The following ABCC12 variants were observed in gnomAD, a reference collection of about 807,000 sequenced individuals.
The protein encoded by ABCC12 is ATP-binding cassette sub-family C member 12.
A neutral mutation model predicts 151.1 loss-of-function variants in ABCC12; 142 were observed. That is an observed-to-expected ratio of 0.94 (90% CI 0.82 to 1.08). The LOEUF is 1.08. ABCC12 is among the 50% of genes least tolerant of loss of function. The probability of loss-of-function intolerance (pLI) is 0.00; values close to 1 mark genes in which losing one functional copy is unlikely to be tolerated. For synonymous variants in ABCC12, 645 were observed against 646.4 expected (o/e 1.00, Z 0.03); for missense variants, 1,638 against 1,691.1 (o/e 0.97, Z 0.55).
intron 13 of ABCC12, among the ~76,000 whole-genome samples, chr16:48,119,163 A>G (rs1469742756): frequency 6.6e-6 from 1 of 152,168 alleles, no homozygotes; most frequent in Non-Finnish European, 1.5e-5. Context: ...GAAGGATGCT[A>G]GATCCATCTT....
chr16:48,089,250 C>A (rs147678213), intron 25 of ABCC12, among the ~76,000 whole-genome samples: 1 of 152,178 alleles, frequency 6.6e-6, no homozygotes, highest in African/African-American at 2.4e-5. Flanking sequence ...GAAGCTCATA[C>A]TGGGCCTGTG....
intron 21 of ABCC12, 137 bp from the exon 22 acceptor site, chr16:48,104,505 G>T: frequency 1.4e-6 from 1 of 721,502 alleles, no homozygotes; most frequent in Non-Finnish European, 2.3e-6. Flanking sequence ...GGTGATCTTG[G>T]GAAAGGGAGG....
chr16:48,143,931 GA>G lies in ABCC12; in HGVS notation c.253del (p.Ser85HisfsTer17). On this transcript the variant is annotated frameshift_variant, in exon 4 of 31. Transcript: ENST00000311303. LOFTEE classifies it high-confidence loss of function. Reference protein sequence around the residue: ...DTLPPLSTYDSSDTNAKRFRV... With the variant: ...DTLPPLSTYDXSDTNAKRFRV... ...GTACCTTTTGGCATTGGTGTCAGAT[GA>G]GTCATATGTCGACAATGGGGGCAGG... 1 of 1,613,994 alleles carries G rather than the reference GA, an allele frequency of 6.2e-7. No homozygotes were observed. The highest frequency in any genetic ancestry group is 8.5e-7 in the Non-Finnish European group (1 of 1,179,878).
chr16:48,088,864 C>T (rs2150583083), intron 25 of ABCC12, 130 bp from the exon 26 acceptor site: 2 of 771,082 alleles, frequency 2.6e-6, no homozygotes, highest in East Asian at 6.0e-5. Context: ...AATAATGACC[C>T]TTAATTCTAG....
chr16:48,145,243 G>A lies in ABCC12; in HGVS notation c.119+1063C>T, dbSNP rs112929818. Among the ~76,000 whole-genome samples the A allele has an allele frequency of 4.0e-3, 610 of 152,280 alleles. 5 individuals are homozygous for A. Among genetic ancestry groups the A allele is most frequent in the African/African-American group, 0.013 (548 of 41,538 alleles). On this transcript the variant is annotated intron_variant, in intron 3 of 30. Coordinates refer to ENST00000311303, the MANE Select transcript of ABCC12 (RefSeq NM_001393797.1). Reference sequence around the variant, plus strand: ...GCTGGGAGAAGATAACGCAGTGTCCGCTTATTATAGAGTTGCCACTTGGCC... The same window carrying A: ...GCTGGGAGAAGATAACGCAGTGTCCACTTATTATAGAGTTGCCACTTGGCC...
At chr16:48,112,833 C>T (rs540075128) in intron 15 of ABCC12, among the ~76,000 whole-genome samples, 3 of 152,260 alleles carry the variant, frequency 2.0e-5, no homozygotes, top group East Asian at 3.9e-4. Flanking sequence ...CCAGCTTTAT[C>T]TATGAGATAA....
intron 24 of ABCC12, among the ~76,000 whole-genome samples, chr16:48,094,490 G>A (rs1963020792): frequency 1.3e-5 from 2 of 152,168 alleles, no homozygotes; most frequent in African/African-American, 2.4e-5. Context: ...CCAGGTGTGA[G>A]AAGGGGGCCC....
chr16:48,096,129 T>A (rs900583217), intron 24 of ABCC12, among the ~76,000 whole-genome samples: 8 of 152,200 alleles, frequency 5.3e-5, no homozygotes, highest in Admixed American at 5.2e-4. Flanking sequence ...ATCAATGCCG[T>A]ATGTTCACCT....
At chr16:48,101,950 C>T (rs1963322514) in intron 22 of ABCC12, among the ~76,000 whole-genome samples, 2 of 152,092 alleles carry the variant, frequency 1.3e-5, no homozygotes. Context: ...CACAATAAAC[C>T]CTTGAGTTTG....
chr16:48,081,072 A>G lies in ABCC12; in HGVS notation c.*2643T>C, dbSNP rs1055010556. The stretch of plus-strand genomic sequence containing the variant: ...TTTTATAAGAGAGCCAATCCTATTC[A>G]TGAGGTCTCCACCCTCATGACCTAA... On this transcript the variant is annotated 3_prime_UTR_variant, in exon 31 of 31. Coordinates refer to ENST00000311303, the MANE Select transcript of ABCC12 (RefSeq NM_001393797.1). Among the ~76,000 whole-genome samples, 2 of 152,130 alleles carry G rather than the reference A, an allele frequency of 1.3e-5. No individual in the cohort carries two copies. The highest frequency in any genetic ancestry group is 4.1e-4 in the South Asian group (2 of 4,828).
At chr16:48,125,138 C>T (rs1964198096) in intron 11 of ABCC12, among the ~76,000 whole-genome samples, 2 of 152,162 alleles carry the variant, frequency 1.3e-5, no homozygotes, top group South Asian at 4.1e-4. Context: ...TTGGAAGGTG[C>T]AGGAAATTCC....
intron 5 of ABCC12, 113 bp downstream of exon 5, chr16:48,141,093 C>A: frequency 6.8e-7 from 1 of 1,462,114 alleles, no homozygotes; most frequent in Non-Finnish European, 9.2e-7. Flanking sequence ...CCCCAAGGAG[C>A]GCAAAGATAA....
chr16:48,088,791 A>G lies in ABCC12; in HGVS notation c.3286-57T>C, dbSNP rs538983994. On this transcript the variant is annotated intron_variant, in intron 25 of 30. Transcript: ENST00000311303. ...TAGCCATTTGTTTTTTCACTTATTT[A>G]ACTAATTCATTCATTGATTCACACA... 6 of 1,442,108 alleles carry G rather than the reference A, an allele frequency of 4.2e-6. No individual in the cohort carries two copies. In the South Asian group the frequency reaches 7.6e-5, roughly 18 times the overall value. The allele number at this position is 1,442,108 out of a possible 1,614,324, so 89.3% of individuals were successfully genotyped here.
At chr16:48,148,348 C>T (rs191874427) in intron 2 of ABCC12, among the ~76,000 whole-genome samples, 1 of 151,992 alleles carries the variant, frequency 6.6e-6, no homozygotes, top group Non-Finnish European at 1.5e-5. Flanking sequence ...GTGATCCTCC[C>T]TCCTCAGCTT....
intron 20 of ABCC12, among the ~76,000 whole-genome samples, chr16:48,106,947 C>T (rs1276681183): frequency 6.6e-6 from 1 of 152,164 alleles, no homozygotes; most frequent in Non-Finnish European, 1.5e-5. Flanking sequence ...GGGCAGTGTC[C>T]GTAACAAGAT....
At chr16:48,116,820 C>T (rs943593410) in intron 14 of ABCC12, among the ~76,000 whole-genome samples, 3 of 152,044 alleles carry the variant, frequency 2.0e-5, no homozygotes, top group Admixed American at 1.3e-4. Context: ...GGGTGGCAGG[C>T]TCAGCCCAGG....
chr16:48,117,558 GCCCC>G (rs1258985081), intron 13 of ABCC12, among the ~76,000 whole-genome samples: 1 of 152,196 alleles, frequency 6.6e-6, no homozygotes, highest in African/African-American at 2.4e-5. Context: ...TTCAGGAATG[GCCCC>G]TTCCCTGGCA....
intron 14 of ABCC12, among the ~76,000 whole-genome samples, chr16:48,116,949 G>A (rs768193072): frequency 2.0e-4 from 31 of 152,212 alleles, no homozygotes; most frequent in Non-Finnish European, 1.5e-4. Context: ...TGGTTTGCAG[G>A]ACAGAGCCAG....
chr16:48,102,804 T>A (rs575952666), intron 22 of ABCC12, among the ~76,000 whole-genome samples: 1 of 152,292 alleles, frequency 6.6e-6, no homozygotes, highest in East Asian at 1.9e-4. Context: ...ACCACACGTA[T>A]CTCTCTTCAC....
Sources: allele counts gnomAD v4.1 joint callset (sites outside exome capture counted in the v4.1 genomes callset), GRCh38; gene constraint gnomAD v4.1.1; transcripts MANE v1.5; gene names NCBI Gene and HGNC (gene_info 2026-07-23, HGNC 2026-07-21).